The following NLRP9 variants were observed in gnomAD, a reference collection of about 807,000 sequenced individuals.
NLRP9 encodes the protein NACHT, LRR and PYD domains-containing protein 9.
A neutral mutation model predicts 83.1 loss-of-function variants in NLRP9; 88 were observed. The ratio of observed to expected loss-of-function variants is 1.06; its 90% CI spans 0.89 to 1.26. NLRP9 has a LOEUF of 1.26. Among genes scored for constraint, NLRP9 ranks in the 50% most tolerant of loss-of-function variants. The probability of loss-of-function intolerance (pLI) is 0.00; values close to 1 mark genes in which losing one functional copy is unlikely to be tolerated. For missense variants in NLRP9, 1,308 were observed against 1,179.3 expected, an observed-to-expected ratio of 1.11 and a Z score of -1.60; for synonymous variants, 521 against 447.6, an observed-to-expected ratio of 1.16 and a Z score of -2.07.
At chr19:55,724,923 G>A (rs1213117174) in intron 3 of NLRP9, among the ~76,000 whole-genome samples, 1 of 152,066 alleles carries the variant, frequency 6.6e-6, no homozygotes, top group African/African-American at 2.4e-5. Flanking sequence ...GCTGGGTATG[G>A]TGGTGTGTGC....
In NLRP9 at chr19:55,733,540, GT is replaced by G; in HGVS notation, c.290del (p.Asn97ThrfsTer7). 6.4e-7 allele frequency: 1 copy of G among 1,569,858 alleles called. No homozygotes were observed. Among genetic ancestry groups the G allele is most frequent in the Non-Finnish European group, 8.7e-7 (1 of 1,155,604 alleles). On this transcript the variant is annotated frameshift_variant, in exon 2 of 9. Coordinates refer to ENST00000332836, the MANE Select transcript of NLRP9 (RefSeq NM_176820.4). LOFTEE classifies it high-confidence loss of function. ...TTTCCTTCATATGCTTTCTGTATGG[GT>G]TTAGCTTATCTGTGTTAATGAGAAC... ...KAQEEMRNKL[N>X]PYRKHMKETF...
At chr19:55,731,613 A>G (rs1485735085) in intron 2 of NLRP9, among the ~76,000 whole-genome samples, 1 of 151,482 alleles carries the variant, frequency 6.6e-6, no homozygotes, top group Non-Finnish European at 1.5e-5. Context: ...AATCCCAGCT[A>G]CCTGGGAAGC....
chr19:55,711,876 T>C lies in NLRP9; in HGVS notation c.2767A>G (p.Ile923Val), dbSNP rs772231473. 3 of 1,613,272 alleles carry C rather than the reference T, an allele frequency of 1.9e-6. No homozygotes were observed. The East Asian group carries it at 6.7e-5, about 36-fold the overall frequency. The change falls in exon 8 of 9, where the codon ATT becomes GTT. Residue 923 changes from isoleucine (I) to valine (V), a missense_variant. Physicochemically the swap from Ile to Val is conservative, Grantham distance 29. Transcript: ENST00000332836. ...ACCACTGCATCAGCATCCAAGGCAATCCAGTCGAGGTTCAGGCTCCTCAGT... is the reference window on the plus strand; with the variant it reads ...ACCACTGCATCAGCATCCAAGGCAACCCAGTCGAGGTTCAGGCTCCTCAGT... ...KTLRSLNLDW[I>V]ALDADAVVVL...
rs1252411369 is a variant in NLRP9, at chr19:55,708,728, CAA to C, written c.*182_*183del. 3 of 462,078 alleles carry C rather than the reference CAA, an allele frequency of 6.5e-6. No individual in the cohort carries two copies. The highest frequency in any genetic ancestry group is 3.2e-5 in the East Asian group (1 of 30,920). 28.6% of individuals were successfully genotyped at this position (462,078 alleles called of 1,614,324 possible). A position where few individuals can be genotyped will look rare whatever the true frequency, so the allele number is the denominator to read the frequency against. On this transcript the variant is annotated 3_prime_UTR_variant, in exon 9 of 9. Transcript: ENST00000332836. ...AAGACAAGGGGATATAGGACCGAGG[CAA>C]AGACAATCAGCATGTACACTGAATC...
At chr19:55,723,412 G>GT (rs1988292155) in intron 4 of NLRP9, among the ~76,000 whole-genome samples, 1 of 152,184 alleles carries the variant, frequency 6.6e-6, no homozygotes, top group Non-Finnish European at 1.5e-5. Flanking sequence ...GAACCAGGAA[G>GT]TATCAAGGGA....
chr19:55,711,538 C>T, intron 8 of NLRP9: 5 of 1,193,734 alleles, frequency 4.2e-6, no homozygotes, highest in Non-Finnish European at 5.8e-6. Flanking sequence ...CGAGGGACTT[C>T]TGACAATTTC....
intron 2 of NLRP9, among the ~76,000 whole-genome samples, chr19:55,730,258 G>A (rs765277062): frequency 2.0e-5 from 3 of 152,048 alleles, no homozygotes; most frequent in Non-Finnish European, 2.9e-5. Flanking sequence ...GTTTGAGGAC[G>A]GCCTGGGCAA....
rs1217070988 is a variant in NLRP9 at position 55,733,285 on chromosome 19, C to T, written c.546G>A (p.Val182=). Residue 182 remains valine (V), a synonymous_variant, in exon 2 of 9, where the codon GTG becomes GTA. Coordinates refer to ENST00000332836, the MANE Select transcript of NLRP9 (RefSeq NM_176820.4). ...GNLWKDRFTF[V]FFLNVCEMNG... is the part of the protein sequence containing the mutation. ...TCATTTCACAGACATTGAGGAAAAACACAAATGTGAACCTGTCCTTCCATA... is the reference window on the plus strand; with the variant it reads ...TCATTTCACAGACATTGAGGAAAAATACAAATGTGAACCTGTCCTTCCATA... 2 of 1,613,994 alleles carry T rather than the reference C, an allele frequency of 1.2e-6. No individual in the cohort carries two copies. The highest frequency in any genetic ancestry group is 1.7e-6 in the Non-Finnish European group (2 of 1,179,956).
chr19:55,710,800 T>C (rs189578165), intron 8 of NLRP9, among the ~76,000 whole-genome samples: 37 of 152,214 alleles, frequency 2.4e-4, no homozygotes, highest in Admixed American at 1.3e-4. Context: ...AAGTTACCAG[T>C]CTCTGCCAGG....
chr19:55,736,777 T>C lies in NLRP9; in HGVS notation c.280+1318A>G, dbSNP rs145883794. Among the ~76,000 whole-genome samples the C allele has an allele frequency of 3.5e-3, 524 of 151,592 alleles. 4 individuals carry two copies. Among genetic ancestry groups the C allele is most frequent in the African/African-American group, 0.012 (500 of 41,334 alleles). ...TGAACCTGGGAGGCAGAAGTTGCAG[T>C]GAACCGAGATCATGTCACTGCCCTC... On this transcript the variant is annotated intron_variant, in intron 1 of 8. Transcript: ENST00000332836.
chr19:55,734,174 T>C (rs922980382), intron 1 of NLRP9, among the ~76,000 whole-genome samples: 1 of 151,488 alleles, frequency 6.6e-6, no homozygotes, highest in Admixed American at 6.6e-5. Flanking sequence ...CCACCCACCT[T>C]GGCCTCCCAA....
In NLRP9 at chr19:55,708,995, C is replaced by G; in HGVS notation, c.2893G>C (p.Val965Leu). 6.3e-6 allele frequency: 10 copies of G among 1,594,694 alleles called. No homozygotes were observed. The highest frequency in any genetic ancestry group is 8.5e-6 in the Non-Finnish European group (10 of 1,172,666). Residue 965 changes from valine (V) to leucine (L), a missense_variant, in exon 9 of 9, where the codon GTG becomes CTG. Val to Leu is a conservative substitution (Grantham distance 32). Transcript: ENST00000332836. ...GTCAGATGGGGAATTTTTTCTTCCA[C>G]AGACATCAGGATCTTCTGAGTTTCT... ...DEETQKILMS[V>L]EEKIPHLTIS...
At chr19:55,717,841 G>A (rs568769736) in intron 4 of NLRP9, among the ~76,000 whole-genome samples, 81 of 152,264 alleles carry the variant, frequency 5.3e-4, no homozygotes, top group Admixed American at 7.8e-4. Flanking sequence ...TTCAGAGAGC[G>A]TCCAGGTTGG....
At chr19:55,734,069 C>T (rs1312570348) in intron 1 of NLRP9, among the ~76,000 whole-genome samples, 1 of 151,794 alleles carries the variant, frequency 6.6e-6, no homozygotes, top group African/African-American at 2.4e-5. Flanking sequence ...GCTACAGGCG[C>T]CCGCCACTAC....
At chr19:55,723,751 A>T (rs1286511664) in intron 4 of NLRP9, among the ~76,000 whole-genome samples, 4 of 149,678 alleles carry the variant, frequency 2.7e-5, no homozygotes, top group East Asian at 2.0e-4. Flanking sequence ...AAAAAAAAAG[A>T]AGTAATTAAA....
Position 55,738,063 on chromosome 19 carries a change from C to A in NLRP9, c.280+32G>T. 6 of 1,607,130 alleles carry A rather than the reference C, an allele frequency of 3.7e-6. 1 individual carries two copies. The South Asian group carries it at 4.4e-5, about 12-fold the overall frequency. On this transcript the variant is annotated intron_variant, in intron 1 of 8. Coordinates refer to ENST00000332836, the MANE Select transcript of NLRP9 (RefSeq NM_176820.4). ...TATCACCTTGTTCCCAGGCTTCCCCCATGGGTCCTCGCCCCATCATCCAGC... is the reference window on the plus strand; with the variant it reads ...TATCACCTTGTTCCCAGGCTTCCCCAATGGGTCCTCGCCCCATCATCCAGC...
chr19:55,717,591 ACT>A (rs996086821), intron 4 of NLRP9, among the ~76,000 whole-genome samples: 13 of 152,172 alleles, frequency 8.5e-5, no homozygotes, highest in South Asian at 2.1e-4. Context: ...GATAAATCTG[ACT>A]CTCTGTCAAT....
Position 55,729,789 on chromosome 19 carries a change from ACT to A in NLRP9, c.1994+40_1994+41del, listed in dbSNP as rs750973504. ...AAAAGGCCACAGTAGAGAGAAGGAA[ACT>A]CTGCCATTTGCTTAAAGGACAGGTT... On this transcript the variant is annotated intron_variant, in intron 3 of 8. Transcript: ENST00000332836. 7.1e-6 allele frequency: 11 copies of A among 1,546,878 alleles called. 1 individual carries two copies. The South Asian group carries it at 1.1e-4, about 15-fold the overall frequency.
At chr19:55,714,660 C>G (rs1987937246) in intron 6 of NLRP9, among the ~76,000 whole-genome samples, 1 of 152,096 alleles carries the variant, frequency 6.6e-6, no homozygotes, top group Non-Finnish European at 1.5e-5. Flanking sequence ...ATGCCATAGA[C>G]TGAAACGGGT....
Sources: allele counts gnomAD v4.1 joint callset (sites outside exome capture counted in the v4.1 genomes callset), GRCh38; gene constraint gnomAD v4.1.1; transcripts MANE v1.5; gene names NCBI Gene and HGNC (gene_info 2026-07-23, HGNC 2026-07-21).